Variants in HECTD4 observed in about 807,000 individuals in gnomAD.
HECTD4 encodes probable E3 ubiquitin-protein ligase HECTD4.
HECTD4 carries 114 observed loss-of-function variants against 471.5 expected under a neutral mutation model. The observed-to-expected ratio is 0.24, with a 90% CI of 0.21 to 0.28. The LOEUF is 0.28. HECTD4 is among the 10% of genes least tolerant of loss of function. The pLI is 1.00. For missense variants in HECTD4, 3,866 were observed against 5,651.5 expected (o/e 0.68, Z 10.13); for synonymous variants, 2,012 against 2,256.0 (o/e 0.89, Z 3.07).
At chr12:112,217,330 C>CACAT in intron 45 of HECTD4, 135 bp from the exon 46 acceptor site, 2 of 498,242 alleles carry the variant, frequency 4.0e-6, no homozygotes, top group African/African-American at 2.2e-5. Flanking sequence ...CACACACACA[C>CACAT]ACACATACAC....
intron 1 of HECTD4, among the ~76,000 whole-genome samples, chr12:112,330,560 G>A (rs2035828290): frequency 6.6e-6 from 1 of 152,162 alleles, no homozygotes; most frequent in South Asian, 2.1e-4. Context: ...TCTGATACGT[G>A]TAACAGTTAC....
intron 1 of HECTD4, among the ~76,000 whole-genome samples, chr12:112,369,507 A>C (rs964832186): frequency 3.3e-5 from 5 of 151,876 alleles, no homozygotes; most frequent in Admixed American, 3.3e-4. Flanking sequence ...ACGCCCAGCT[A>C]ATTTTTAAAA....
intron 69 of HECTD4, chr12:112,170,097 C>A: frequency 1.7e-6 from 1 of 592,576 alleles, no homozygotes; most frequent in Non-Finnish European, 3.0e-6. Context: ...AAGCCTGCCC[C>A]ACCTGACCCC....
chr12:112,271,710 G>A (rs1481421120), intron 11 of HECTD4, among the ~76,000 whole-genome samples: 2 of 152,152 alleles, frequency 1.3e-5, no homozygotes, highest in South Asian at 4.1e-4. Flanking sequence ...CAGATCTGCT[G>A]TTGAGCCACT....
chr12:112,234,408 C>A (rs1206142491), intron 37 of HECTD4, among the ~76,000 whole-genome samples: 2 of 152,158 alleles, frequency 1.3e-5, no homozygotes, highest in Non-Finnish European at 2.9e-5. Context: ...TAATGGCAGA[C>A]AGGGGATTCA....
At chr12:112,189,081 T>C (rs2031985802) in intron 60 of HECTD4, among the ~76,000 whole-genome samples, 1 of 152,162 alleles carries the variant, frequency 6.6e-6, no homozygotes, top group Non-Finnish European at 1.5e-5. Context: ...TGTTGCTCCA[T>C]ATCCTGAACT....
chr12:112,323,486 A>G (rs2035626010), intron 1 of HECTD4, among the ~76,000 whole-genome samples: 1 of 152,192 alleles, frequency 6.6e-6, no homozygotes, highest in Non-Finnish European at 1.5e-5. Flanking sequence ...TAGCAAAGAA[A>G]GAAACTATTG....
At chr12:112,310,715 T>A (rs1233154085) in intron 4 of HECTD4, among the ~76,000 whole-genome samples, 1 of 152,194 alleles carries the variant, frequency 6.6e-6, no homozygotes, top group Non-Finnish European at 1.5e-5. Flanking sequence ...TTAAAGTGGG[T>A]AACCATTTTT....
At position 112,280,508 on chromosome 12, in the gene HECTD4, AGAGT is replaced by A. The variant is rs2034614000; in HGVS notation, c.1529-1126_1529-1123del. On this transcript the variant is annotated intron_variant, in intron 8 of 75. Coordinates refer to ENST00000682272, the MANE Select transcript of HECTD4 (RefSeq NM_001388303.1). ...TCATTTTTAGATGGTTTAGATTAGA[AGAGT>A]GAGTAAAGTGAAACCTAATCTATCT... Among the ~76,000 whole-genome samples, 6 of 152,298 alleles carry A rather than the reference AGAGT, an allele frequency of 3.9e-5. No individual in the cohort carries two copies. In the South Asian group the frequency reaches 1.2e-3, roughly 32 times the overall value.
Position 112,185,235 on chromosome 12 carries a change from G to A in HECTD4, c.9731C>T (p.Ala3244Val), listed in dbSNP as rs1409923486. The A allele has an allele frequency of 6.4e-7, 1 of 1,550,674 alleles. No individual in the cohort carries two copies. The highest frequency in any genetic ancestry group is 8.7e-7 in the Non-Finnish European group (1 of 1,146,776). Reference protein sequence around the residue: ...GACGGSGGAAAGDQGRFSTYF... With the variant: ...GACGGSGGAAVGDQGRFSTYF... ...CGTAGAGAACCTGCCCTGGTCACCG[G>A]CCGCCGCCCCCCCGGAGCCCCCGCA... The change falls in exon 61 of 76, where the codon GCC becomes GTC. Residue 3244 changes from alanine to valine, a missense_variant. Ala to Val is a moderately conservative substitution (Grantham distance 64). Transcript: ENST00000682272.
chr12:112,224,401 G>A (rs2033175860), intron 44 of HECTD4, among the ~76,000 whole-genome samples: 1 of 151,818 alleles, frequency 6.6e-6, no homozygotes, highest in East Asian at 1.9e-4. Flanking sequence ...CGAGTAGCTG[G>A]GACTACAGGT....
chr12:112,190,963 C>T lies in HECTD4; in HGVS notation c.9295G>A (p.Val3099Met). The change falls in exon 60 of 76, where the codon GTG (valine) becomes ATG (methionine). Residue 3099 changes from valine to methionine, a missense_variant and splice_region_variant. By Grantham distance (21) the Val-to-Met change is conservative. Coordinates refer to ENST00000682272, the MANE Select transcript of HECTD4 (RefSeq NM_001388303.1). ...AGGACTGCTCCAGGAGGTGGAGACACCCCTGCAAGAAGCACCCAGGAAGAA... is the reference window on the plus strand; with the variant it reads ...AGGACTGCTCCAGGAGGTGGAGACATCCCTGCAAGAAGCACCCAGGAAGAA... The part of the protein sequence containing the change: ...STDRVHIKLG[V>M]SPPPGAVLVL... 1.3e-6 allele frequency: 2 copies of T among 1,552,436 alleles called. No homozygotes were observed. Among genetic ancestry groups the T allele is most frequent in the Non-Finnish European group, 1.7e-6 (2 of 1,148,176 alleles).
chr12:112,299,376 G>A (rs911905633), intron 7 of HECTD4, among the ~76,000 whole-genome samples: 2 of 152,046 alleles, frequency 1.3e-5, no homozygotes, highest in South Asian at 2.1e-4. Flanking sequence ...AACACTTTGG[G>A]AGACTGAGGC....
At chr12:112,164,044 C>T in intron 73 of HECTD4, 65 bp downstream of exon 73, 3 of 1,355,170 alleles carry the variant, frequency 2.2e-6, no homozygotes, top group Middle Eastern at 2.8e-4. Context: ...ACAGATGCTG[C>T]TGTCATACCC....
Position 112,185,534 on chromosome 12 carries a change from A to G in HECTD4, c.9473-41T>C, listed in dbSNP as rs1195551772. The G allele has an allele frequency of 3.5e-6, 5 of 1,436,710 alleles. No homozygotes were observed. The East Asian group carries it at 9.2e-5, about 26-fold the overall frequency. The allele number at this position is 1,436,710 out of a possible 1,614,324, so 89.0% of individuals were successfully genotyped here. On this transcript the variant is annotated intron_variant, in intron 60 of 75. Coordinates refer to ENST00000682272, the MANE Select transcript of HECTD4 (RefSeq NM_001388303.1). ...ATAGTAACAGTAATTACTATGCAGC[A>G]CTGGCTATGTTCCAGGCGCAGTTCT...
At chr12:112,294,945 T>TTTAA (rs199938356) in intron 7 of HECTD4, among the ~76,000 whole-genome samples, 3,084 of 152,174 alleles carry the variant, frequency 0.02, 111 homozygotes, top group African/African-American at 0.071. Context: ...TCTTGTGATG[T>TTTAA]TTAATTAATT....
intron 16 of HECTD4, among the ~76,000 whole-genome samples, chr12:112,264,610 AACACTCTCACTAG>A (rs1480624725): frequency 3.3e-5 from 5 of 152,186 alleles, no homozygotes; most frequent in Non-Finnish European, 7.3e-5. Context: ...ATAGGGAAAA[AACACTCTCACTAG>A]ATAAAACAAA....
At chr12:112,364,420 A>AT (rs1476724551) in intron 1 of HECTD4, among the ~76,000 whole-genome samples, 192 of 151,138 alleles carry the variant, frequency 1.3e-3, no homozygotes, top group South Asian at 4.2e-3. Context: ...AAAAAAAAAA[A>AT]AAATAAATAA....
intron 54 of HECTD4, 86 bp from the exon 55 acceptor site, chr12:112,200,884 C>CATGTGT: frequency 1.4e-6 from 1 of 697,476 alleles, no homozygotes; most frequent in East Asian, 3.1e-5. Context: ...TGCGTGCGTG[C>CATGTGT]GTGTGTGTGT....
Sources: allele counts gnomAD v4.1 joint callset (sites outside exome capture counted in the v4.1 genomes callset), GRCh38; gene constraint gnomAD v4.1.1; transcripts MANE v1.5; gene names NCBI Gene and HGNC (gene_info 2026-07-23, HGNC 2026-07-21).